The following JAKMIP2 variants were observed in gnomAD, a reference collection of about 807,000 sequenced individuals.
JAKMIP2 encodes janus kinase and microtubule-interacting protein 2.
Under a neutral mutation model 115.0 loss-of-function variants are expected in JAKMIP2, and 25 were observed. The observed-to-expected ratio is 0.22, with a 90% CI of 0.16 to 0.30. The LOEUF (loss-of-function observed/expected upper bound fraction) is 0.30, where lower values mean the gene tolerates loss of function less well. Ranked by LOEUF, JAKMIP2 falls within the 10% of genes least tolerant of loss-of-function variation. The probability of loss-of-function intolerance (pLI) is 1.00; values close to 1 mark genes in which losing one functional copy is unlikely to be tolerated. For missense variants in JAKMIP2, 642 were observed against 957.6 expected, an observed-to-expected ratio of 0.67 and a Z score of 4.35; for synonymous variants, 334 against 343.6, an observed-to-expected ratio of 0.97 and a Z score of 0.31.
chr5:147,764,365 G>A (rs552494494), intron 1 of JAKMIP2, among the ~76,000 whole-genome samples: 2 of 151,950 alleles, frequency 1.3e-5, no homozygotes, highest in Non-Finnish European at 2.9e-5. Context: ...GACAAGGGAG[G>A]TCTGAATGTG....
At chr5:147,729,647 G>T (rs546247382) in intron 1 of JAKMIP2, among the ~76,000 whole-genome samples, 1 of 151,856 alleles carries the variant, frequency 6.6e-6, no homozygotes, top group Non-Finnish European at 1.5e-5. Context: ...GGTGGCGGGC[G>T]CCTGTAGTCC....
chr5:147,736,402 G>A (rs1047909782), intron 1 of JAKMIP2, among the ~76,000 whole-genome samples: 1 of 152,016 alleles, frequency 6.6e-6, no homozygotes, highest in Admixed American at 6.6e-5. Flanking sequence ...AGGTTGCAGT[G>A]AGCCAAGATT....
At chr5:147,678,204 A>G (rs1341745402) in intron 1 of JAKMIP2, among the ~76,000 whole-genome samples, 1 of 152,092 alleles carries the variant, frequency 6.6e-6, no homozygotes, top group Non-Finnish European at 1.5e-5. Flanking sequence ...GGGTTTCACC[A>G]TGTTGTTCAG....
chr5:147,611,458 G>T (rs10040261), intron 20 of JAKMIP2, among the ~76,000 whole-genome samples: 5 of 151,992 alleles, frequency 3.3e-5, no homozygotes, highest in African/African-American at 1.2e-4. Context: ...GACCCCTTGC[G>T]CTTCTTGGGT....
At position 147,671,833 on chromosome 5, in the gene JAKMIP2, G is replaced by T; in HGVS notation, c.-27C>A. On this transcript the variant is annotated 5_prime_UTR_variant, in exon 2 of 22. Transcript: ENST00000616793. Reference sequence around the variant, plus strand: ...GTTCCTTTCTAAATGGAGTCTGTTGGTTTTTAATTTCTTTCAAGCAGGTGC... The same window carrying T: ...GTTCCTTTCTAAATGGAGTCTGTTGTTTTTTAATTTCTTTCAAGCAGGTGC... 1 of 1,527,128 alleles carries T rather than the reference G, an allele frequency of 6.5e-7. No individual in the cohort carries two copies. The highest frequency in any genetic ancestry group is 1.3e-5 in the South Asian group (1 of 78,490). 94.6% of individuals were successfully genotyped at this position (1,527,128 alleles called of 1,614,324 possible).
intron 1 of JAKMIP2, among the ~76,000 whole-genome samples, chr5:147,754,573 G>C (rs931832200): frequency 8.5e-5 from 13 of 152,118 alleles, no homozygotes; most frequent in Non-Finnish European, 1.6e-4. Flanking sequence ...AGGATGACTA[G>C]AGTTTCAGAA....
chr5:147,713,397 T>TATATACAGGTATATAC (rs1752855036), intron 1 of JAKMIP2, among the ~76,000 whole-genome samples: 1 of 152,102 alleles, frequency 6.6e-6, no homozygotes, highest in South Asian at 2.1e-4. Context: ...ATATACCAGG[T>TATATACAGGTATATAC]ACTATACTTG....
At chr5:147,700,619 C>A (rs902672366) in intron 1 of JAKMIP2, among the ~76,000 whole-genome samples, 1 of 152,106 alleles carries the variant, frequency 6.6e-6, no homozygotes, top group African/African-American at 2.4e-5. Context: ...AGAAATTCAG[C>A]TGTGTATTTG....
intron 1 of JAKMIP2, among the ~76,000 whole-genome samples, chr5:147,738,485 T>A (rs1453394596): frequency 6.6e-6 from 1 of 152,162 alleles, no homozygotes; most frequent in Non-Finnish European, 1.5e-5. Flanking sequence ...CCTTCCTGGA[T>A]AGTTCACCTC....
At chr5:147,764,055 A>G (rs1755024610) in intron 1 of JAKMIP2, among the ~76,000 whole-genome samples, 1 of 152,122 alleles carries the variant, frequency 6.6e-6, no homozygotes, top group Admixed American at 6.5e-5. Context: ...AAAATACACA[A>G]TCTCTCTGTT....
At chr5:147,742,458 G>A (rs942111702) in intron 1 of JAKMIP2, among the ~76,000 whole-genome samples, 46 of 151,968 alleles carry the variant, frequency 3.0e-4, no homozygotes, top group African/African-American at 1.0e-3. Context: ...CATTTACTAT[G>A]TGCCAGGTCT....
intron 1 of JAKMIP2, among the ~76,000 whole-genome samples, chr5:147,702,260 G>A (rs1752348984): frequency 1.3e-5 from 2 of 151,158 alleles, no homozygotes; most frequent in South Asian, 4.2e-4. Context: ...CTATGAGGAT[G>A]CAAGGGCATA....
chr5:147,690,581 A>G (rs1751794905), intron 1 of JAKMIP2, among the ~76,000 whole-genome samples: 1 of 102,440 alleles, frequency 9.8e-6, no homozygotes, highest in Admixed American at 1.0e-4. Context: ...ATATATATAT[A>G]TATGCACATA....
intron 1 of JAKMIP2, among the ~76,000 whole-genome samples, chr5:147,747,133 CT>C (rs1399969354): frequency 1.3e-5 from 2 of 152,070 alleles, no homozygotes; most frequent in Admixed American, 6.6e-5. Context: ...TCATGAGGAG[CT>C]TTTTTGAAAA....
At chr5:147,714,828 A>G (rs1364738276) in intron 1 of JAKMIP2, among the ~76,000 whole-genome samples, 1 of 152,160 alleles carries the variant, frequency 6.6e-6, no homozygotes, top group Non-Finnish European at 1.5e-5. Context: ...CCCACTGAAA[A>G]TGTCCTTCAA....
At position 147,588,763 on chromosome 5, in the gene JAKMIP2, G is replaced by A. The variant is rs1034853760; in HGVS notation, c.*2944C>T. 5 of 152,064 alleles carry A rather than the reference G, an allele frequency of 3.3e-5. No individual in the cohort carries two copies. In the East Asian group the frequency reaches 5.8e-4, roughly 18 times the overall value. The allele number at this position is 152,064 out of a possible 1,614,324, so 9.4% of individuals were successfully genotyped here. A position where few individuals can be genotyped will look rare whatever the true frequency, so the allele number is the denominator to read the frequency against. ...AGCTGCTTGGACAATCATCCTAGCT[G>A]TTGTTCTCATATGACTTATAGCAGA... On this transcript the variant is annotated 3_prime_UTR_variant, in exon 22 of 22. Coordinates refer to ENST00000616793, the MANE Select transcript of JAKMIP2 (RefSeq NM_001270941.2).
intron 1 of JAKMIP2, among the ~76,000 whole-genome samples, chr5:147,781,756 G>T (rs772744834): frequency 3.9e-5 from 6 of 152,148 alleles, no homozygotes; most frequent in Non-Finnish European, 8.8e-5. Context: ...TTCCAGGCAT[G>T]CAAGGACATA....
chr5:147,668,070 G>A (rs113977334), intron 2 of JAKMIP2, among the ~76,000 whole-genome samples: 3 of 152,098 alleles, frequency 2.0e-5, no homozygotes, highest in South Asian at 4.1e-4. Flanking sequence ...TCTTTGTCAC[G>A]GGCTTGCTCT....
rs552442470 is a variant in JAKMIP2 at position 147,590,352 on chromosome 5, T to G, written c.*1355A>C. On this transcript the variant is annotated 3_prime_UTR_variant, in exon 22 of 22. Transcript: ENST00000616793. ...AAATTAGCTTTTCAGGAACATACAT[T>G]TGCTCTCAGAGATGACTCCAAGACT... 1.3e-5 allele frequency: 2 copies of G among 152,296 alleles called. No homozygotes were observed. The highest frequency in any genetic ancestry group is 1.3e-4 in the Admixed American group (2 of 15,270). 9.4% of individuals were successfully genotyped at this position (152,296 alleles called of 1,614,324 possible).
Sources: gnomAD v4.1 joint callset for allele counts (sites outside exome capture counted in the v4.1 genomes callset) on GRCh38, gnomAD v4.1.1 for gene constraint, MANE v1.5 for transcripts, NCBI Gene and HGNC (gene_info 2026-07-23, HGNC 2026-07-21) for gene names.